DOCK1: variants seen among roughly 807,000 people sequenced by gnomAD.
DOCK1 encodes dedicator of cytokinesis protein 1.
DOCK1 carries 138 observed loss-of-function variants against 262.7 expected under a neutral mutation model. The ratio of observed to expected loss-of-function variants is 0.53; its 90% confidence interval spans 0.46 to 0.61. DOCK1 has a LOEUF of 0.61. Among genes scored for constraint, DOCK1 ranks in the 20% least tolerant of loss-of-function variants. The pLI is 0.00. For missense variants in DOCK1, 1,908 were observed against 2,370.7 expected, an observed-to-expected ratio of 0.80 and a Z score of 4.05; for synonymous variants, 866 against 867.4, an observed-to-expected ratio of 1.00 and a Z score of 0.03.
chr10:127,376,829 A>G (rs1381289521), intron 35 of DOCK1, among the ~76,000 whole-genome samples: 4 of 152,214 alleles, frequency 2.6e-5, no homozygotes, highest in African/African-American at 9.6e-5. Flanking sequence ...TCACCAGGAC[A>G]TGAAACAGTG....
At chr10:127,014,733 G>C (rs9418774) in intron 12 of DOCK1, 61,438 of 152,060 alleles carry the variant, frequency 0.4, 12,680 homozygotes, top group African/African-American at 0.48. Flanking sequence ...AGCTCCCTGT[G>C]AGCCACGGTG....
In DOCK1 at chr10:127,428,974, A is replaced by G. The variant is rs79671080; in HGVS notation, c.4914+2963A>G. ...GGGGTGCTGTGTGGATTCGGGTACC[A>G]TGTGGATTGGGGTGCCGTGTGGATT... is the stretch of plus-strand genomic sequence containing the variant. On this transcript the variant is annotated intron_variant, in intron 47 of 51. Transcript: ENST00000623213. Among the ~76,000 whole-genome samples, 211 of 78,808 alleles carry G rather than the reference A, an allele frequency of 2.7e-3. 1 individual carries two copies. The highest frequency in any genetic ancestry group is 3.4e-3 in the Non-Finnish European group (141 of 41,664). 51.7% of individuals were successfully genotyped at this position (78,808 alleles called of 152,430 possible).
At chr10:126,931,530 C>G (rs1303175334) in intron 1 of DOCK1, among the ~76,000 whole-genome samples, 2 of 152,116 alleles carry the variant, frequency 1.3e-5, no homozygotes, top group Non-Finnish European at 2.9e-5. Flanking sequence ...TTGCTGGAAG[C>G]CTCTCATGGG....
In DOCK1 at chr10:127,446,204, C is replaced by T. The variant is rs7903536; in HGVS notation, c.5414-1190C>T. 0.053 allele frequency among the ~76,000 whole-genome samples: 8,027 copies of T among 151,562 alleles called. 456 individuals are homozygous for T. Among genetic ancestry groups the T allele is most frequent in the African/African-American group, 0.13 (5,259 of 41,288 alleles). The stretch of plus-strand genomic sequence containing the variant: ...GGCGGAGGTTGCAGTGAGCTGAGAT[C>T]GCACCACTGCACTCCAGCCTGGGCG... On this transcript the variant is annotated intron_variant, in intron 50 of 51. Coordinates refer to ENST00000623213, the MANE Select transcript of DOCK1 (RefSeq NM_001290223.2). This position sits in a 1 kb window ranked among gnomAD's most constrained non-coding sequence, Gnocchi z 4.4.
chr10:127,027,423 A>C (rs1486484639), intron 16 of DOCK1, among the ~76,000 whole-genome samples: 2 of 152,138 alleles, frequency 1.3e-5, no homozygotes, highest in African/African-American at 4.8e-5. Context: ...GTGAGACCCG[A>C]TCTTTACTAA....
chr10:127,375,566 T>G (rs1204895189), intron 35 of DOCK1, among the ~76,000 whole-genome samples: 1 of 152,030 alleles, frequency 6.6e-6, no homozygotes, highest in Non-Finnish European at 1.5e-5. Flanking sequence ...AAAGCCAGAG[T>G]TGTGTGGATT....
At chr10:127,026,957 G>T (rs1023455799) in intron 16 of DOCK1, among the ~76,000 whole-genome samples, 16 of 152,204 alleles carry the variant, frequency 1.1e-4, no homozygotes, top group African/African-American at 3.9e-4. Flanking sequence ...ACTGAAATTT[G>T]TTCCATCACA....
At chr10:127,409,707 C>T (rs1257897964) in intron 42 of DOCK1, among the ~76,000 whole-genome samples, 3 of 152,140 alleles carry the variant, frequency 2.0e-5, no homozygotes, top group Admixed American at 2.0e-4. Flanking sequence ...GTACAATCCC[C>T]TAGGGAACTT....
chr10:127,410,952 A>G (rs1190961075), intron 43 of DOCK1, 28 bp downstream of exon 43: 46 of 1,603,752 alleles, frequency 2.9e-5, no homozygotes, highest in Non-Finnish European at 3.7e-5. Flanking sequence ...CACCAAACCA[A>G]ACAACAAAAA....
At chr10:127,006,369 G>A (rs369716571) in intron 10 of DOCK1, among the ~76,000 whole-genome samples, 3 of 152,168 alleles carry the variant, frequency 2.0e-5, no homozygotes, top group Admixed American at 6.5e-5. Context: ...ACGCGGTGCC[G>A]TCTGTCTACC....
At chr10:127,257,723 G>A (rs1291715800) in intron 29 of DOCK1, 6 of 256,444 alleles carry the variant, frequency 2.3e-5, no homozygotes, top group East Asian at 1.3e-4. Context: ...TCTGCTCGAC[G>A]TCGCTCTGCG....
At chr10:127,441,719 C>T (rs2070159884) in intron 49 of DOCK1, among the ~76,000 whole-genome samples, 1 of 134,868 alleles carries the variant, frequency 7.4e-6, no homozygotes, top group Non-Finnish European at 1.6e-5. Context: ...CTGTAGTGTC[C>T]TCCTTGCCCT....
rs531263058 is a variant in DOCK1 at position 127,087,043 on chromosome 10, A to AAG, written c.2446-19185_2446-19184dup. Among the ~76,000 whole-genome samples the AAG allele has an allele frequency of 2.0e-5, 3 of 152,234 alleles. No individual in the cohort carries two copies. In the South Asian group the frequency reaches 6.2e-4, roughly 32 times the overall value. On this transcript the variant is annotated intron_variant, in intron 23 of 51. Transcript: ENST00000623213. ...CATTTCTATAGAGCGGGATTGGTAG[A>AAG]AGAGGGGTTCATGGACTACATAAGC...
At chr10:127,004,256 GA>G (rs1565052892) in intron 10 of DOCK1, among the ~76,000 whole-genome samples, 3 of 149,348 alleles carry the variant, frequency 2.0e-5, no homozygotes, top group Non-Finnish European at 4.5e-5. Flanking sequence ...AAAAAGAAAA[GA>G]AAACAAAACA....
chr10:127,204,138 A>G (rs962521304), intron 27 of DOCK1, among the ~76,000 whole-genome samples: 2 of 152,044 alleles, frequency 1.3e-5, no homozygotes, highest in African/African-American at 4.8e-5. Context: ...GCCTTCCTAG[A>G]TTGAGAGGGG....
At chr10:127,193,246 G>A (rs2056875825) in intron 27 of DOCK1, among the ~76,000 whole-genome samples, 1 of 152,148 alleles carries the variant, frequency 6.6e-6, no homozygotes, top group South Asian at 2.1e-4. Flanking sequence ...TGAAAATGAC[G>A]ATGACACTGG....
At chr10:127,170,570 G>A (rs1233344907) in intron 27 of DOCK1, among the ~76,000 whole-genome samples, 2 of 152,168 alleles carry the variant, frequency 1.3e-5, no homozygotes, top group Admixed American at 1.3e-4. Context: ...AATCTAAGAG[G>A]CAAAGAGCGC....
intron 6 of DOCK1, among the ~76,000 whole-genome samples, chr10:126,996,543 T>C (rs1223438521): frequency 1.7e-5 from 1 of 59,226 alleles, no homozygotes; most frequent in Admixed American, 1.7e-4. Context: ...GGATTTTTTT[T>C]TTTTTTTTTT....
intron 1 of DOCK1, among the ~76,000 whole-genome samples, chr10:126,938,697 C>T (rs1219365565): frequency 6.6e-6 from 1 of 152,102 alleles, no homozygotes; most frequent in African/African-American, 2.4e-5. Flanking sequence ...CTAATGACGG[C>T]TGCTCCCTGC....
Sources: gnomAD v4.1 joint callset for allele counts (sites outside exome capture counted in the v4.1 genomes callset) on GRCh38, gnomAD v4.1.1 for gene constraint, Gnocchi (gnomAD v3.1) non-coding constraint, MANE v1.5 for transcripts, NCBI Gene and HGNC (gene_info 2026-07-23, HGNC 2026-07-21) for gene names.